Variants in JARID2 observed in about 807,000 individuals in gnomAD.
JARID2 encodes the protein jumonji and AT-rich interaction domain containing 2.
Under a neutral mutation model 125.6 loss-of-function variants are expected in JARID2, and 21 were observed. The ratio of observed to expected loss-of-function variants is 0.17; its 90% CI spans 0.12 to 0.24. The LOEUF (loss-of-function observed/expected upper bound fraction) is 0.24. Among genes scored for constraint, JARID2 ranks in the 10% least tolerant of loss-of-function variants. The pLI, the probability that JARID2 is intolerant of heterozygous loss-of-function variation, is 1.00. For missense variants in JARID2, 1,303 were observed against 1,639.6 expected (o/e 0.79, Z 3.55); for synonymous variants, 736 against 661.6 (o/e 1.11, Z -1.73).
At chr6:15,263,912 A>G (rs1049526865) in intron 1 of JARID2, among the ~76,000 whole-genome samples, 2 of 152,008 alleles carry the variant, frequency 1.3e-5, no homozygotes, top group African/African-American at 4.8e-5. Flanking sequence ...TATTTTTTAG[A>G]TACAGGGTGT....
intron 12 of JARID2, 49 bp downstream of exon 12, chr6:15,508,503 T>TA: frequency 1.0e-6 from 1 of 985,418 alleles, no homozygotes; most frequent in Non-Finnish European, 1.6e-6. Context: ...AAACTACTAT[T>TA]ACCACATGAA....
Position 15,520,069 on chromosome 6 carries a change from G to C in JARID2, c.3559G>C (p.Glu1187Gln), listed in dbSNP as rs1561923554. 30 of 1,610,156 alleles carry C rather than the reference G, an allele frequency of 1.9e-5. No individual in the cohort carries two copies. The highest frequency in any genetic ancestry group is 2.5e-5 in the Non-Finnish European group (29 of 1,178,344). The part of the protein sequence containing the change: ...GLKLMYRYDE[E>Q]QIISLVNQIC... ...GTGTCTTCCTTTCACCCCCAAACAG[G>C]AACAGATTATCAGTCTGGTCAATCA... is the stretch of plus-strand genomic sequence containing the variant. Residue 1187 changes from glutamate (E) to glutamine (Q), a missense_variant and splice_region_variant, in exon 18 of 18, where the codon GAA becomes CAA. Transcript: ENST00000341776.
chr6:15,315,447 C>G (rs1033784158), intron 1 of JARID2, among the ~76,000 whole-genome samples: 2 of 152,180 alleles, frequency 1.3e-5, no homozygotes, highest in Non-Finnish European at 2.9e-5. Flanking sequence ...TGCAGTCTCT[C>G]TCATATAGCT....
At chr6:15,284,579 C>T (rs758395334) in intron 1 of JARID2, among the ~76,000 whole-genome samples, 29 of 150,956 alleles carry the variant, frequency 1.9e-4, no homozygotes, top group Non-Finnish European at 2.9e-4. Flanking sequence ...GGCGCGATTC[C>T]GGGTTCCAGC....
intron 13 of JARID2, among the ~76,000 whole-genome samples, chr6:15,511,635 T>C (rs1771283050): frequency 6.6e-6 from 1 of 152,224 alleles, no homozygotes; most frequent in South Asian, 2.1e-4. Context: ...GTTTGTGTTG[T>C]GGGCTGCTGT....
At chr6:15,351,176 C>G (rs975713198) in intron 1 of JARID2, among the ~76,000 whole-genome samples, 1 of 152,108 alleles carries the variant, frequency 6.6e-6, no homozygotes, top group Non-Finnish European at 1.5e-5. Flanking sequence ...ATAGAGGTCA[C>G]CCCAGGGAGC....
At chr6:15,274,738 C>T (rs6941986) in intron 1 of JARID2, among the ~76,000 whole-genome samples, 82,002 of 151,864 alleles carry the variant, frequency 0.54, 22,411 homozygotes, top group African/African-American at 0.64. Flanking sequence ...TGGGCACCTT[C>T]AGTCTTTGGT....
At chr6:15,345,487 C>G (rs1444159818) in intron 1 of JARID2, among the ~76,000 whole-genome samples, 1 of 152,106 alleles carries the variant, frequency 6.6e-6, no homozygotes, top group African/African-American at 2.4e-5. Context: ...CCCATCCTTT[C>G]CTGTGTAATT....
At chr6:15,317,475 A>G (rs1198750720) in intron 1 of JARID2, among the ~76,000 whole-genome samples, 1 of 152,122 alleles carries the variant, frequency 6.6e-6, no homozygotes, top group African/African-American at 2.4e-5. Context: ...ATTTCCCCCA[A>G]AACTCCCTAG....
At chr6:15,445,859 C>A (rs1195424986) in intron 3 of JARID2, among the ~76,000 whole-genome samples, 1 of 152,178 alleles carries the variant, frequency 6.6e-6, no homozygotes, top group Non-Finnish European at 1.5e-5. Flanking sequence ...AGGCTGGTGC[C>A]TAGTTGGTAT....
At position 15,501,028 on chromosome 6, in the gene JARID2, T is replaced by A; in HGVS notation, c.2067T>A (p.Thr689=). 6.2e-6 allele frequency: 10 copies of A among 1,614,190 alleles called. No individual in the cohort carries two copies. Among genetic ancestry groups the A allele is most frequent in the Non-Finnish European group, 8.5e-6 (10 of 1,180,018 alleles). The change falls in exon 8 of 18, where the codon ACT becomes ACA. Residue 689 remains threonine, a synonymous_variant. Coordinates refer to ENST00000341776, the MANE Select transcript of JARID2 (RefSeq NM_004973.4). ...KLADMLRIPR[T]AQDRLAKLQE... is the part of the protein sequence containing the mutation. ...CAGACATGCTGCGCATCCCCAGAAC[T>A]GCCCAGGACCGGCTGGCCAAGCTGC...
intron 3 of JARID2, among the ~76,000 whole-genome samples, chr6:15,437,467 C>T (rs558526325): frequency 1.3e-5 from 2 of 152,270 alleles, no homozygotes; most frequent in East Asian, 3.9e-4. Context: ...TAGTTAGTTA[C>T]TAGGGTTGTC....
intron 4 of JARID2, among the ~76,000 whole-genome samples, chr6:15,456,764 G>C (rs1768194752): frequency 1.3e-5 from 2 of 151,476 alleles, no homozygotes; most frequent in South Asian, 2.1e-4. Flanking sequence ...GTAGTTTCTT[G>C]AGCTAATTAA....
At chr6:15,394,469 G>A (rs539523524) in intron 2 of JARID2, among the ~76,000 whole-genome samples, 3 of 152,196 alleles carry the variant, frequency 2.0e-5, no homozygotes, top group Admixed American at 6.5e-5. Flanking sequence ...GTGTGGTGGC[G>A]CCTACCTGTA....
chr6:15,435,871 A>G (rs1767179349), intron 3 of JARID2, among the ~76,000 whole-genome samples: 1 of 151,886 alleles, frequency 6.6e-6, no homozygotes, highest in Non-Finnish European at 1.5e-5. Flanking sequence ...GAGCAAACCA[A>G]TCCCAAAGCT....
chr6:15,292,366 A>G (rs916865732), intron 1 of JARID2, among the ~76,000 whole-genome samples: 34 of 152,058 alleles, frequency 2.2e-4, no homozygotes, highest in Non-Finnish European at 4.9e-4. Context: ...CATAATAGCA[A>G]TTTTAACAGG....
At position 15,500,988 on chromosome 6, in the gene JARID2, A is replaced by G. The variant is rs1012951178; in HGVS notation, c.2027A>G (p.Lys676Arg). 23 of 1,614,012 alleles carry G rather than the reference A, an allele frequency of 1.4e-5. No homozygotes were observed. Among genetic ancestry groups the G allele is most frequent in the Non-Finnish European group, 1.9e-5 (23 of 1,179,976 alleles). ...GGMQQVTDLKKWNKLADMLRI... is the reference protein window; with the variant it reads ...GGMQQVTDLKRWNKLADMLRI... ...ATGCAGCAAGTGACTGACCTCAAAA[A>G]ATGGAACAAACTAGCAGACATGCTG... The change falls in exon 8 of 18, where the codon AAA (lysine) becomes AGA (arginine). Residue 676 changes from lysine (K) to arginine (R), a missense_variant. Physicochemically the swap from Lys to Arg is conservative, Grantham distance 26. Coordinates refer to ENST00000341776, the MANE Select transcript of JARID2 (RefSeq NM_004973.4).
chr6:15,460,644 A>C (rs896701408), intron 4 of JARID2, among the ~76,000 whole-genome samples: 1 of 152,074 alleles, frequency 6.6e-6, no homozygotes, highest in African/African-American at 2.4e-5. Flanking sequence ...GATTCGCACA[A>C]AGACTGTTGT....
At position 15,512,402 on chromosome 6, in the gene JARID2, C is replaced by T. The variant is rs200080531; in HGVS notation, c.3135+12C>T. The T allele has an allele frequency of 2.0e-4, 318 of 1,611,528 alleles. No homozygotes were observed. The African/African-American group carries it at 3.6e-3, about 18-fold the overall frequency. On this transcript the variant is annotated intron_variant, in intron 14 of 17. Coordinates refer to ENST00000341776, the MANE Select transcript of JARID2 (RefSeq NM_004973.4). ...TTGAGACCGCCAAGGTGAGCAGAGC[C>T]GGCCTCCTCCCGCTTGCTGCCCCCG...
Sources: gnomAD v4.1 joint callset for allele counts (sites outside exome capture counted in the v4.1 genomes callset) on GRCh38, gnomAD v4.1.1 for gene constraint, MANE v1.5 for transcripts, NCBI Gene and HGNC (gene_info 2026-07-23, HGNC 2026-07-21) for gene names.